Variants in HMGA2 observed in about 807,000 individuals in gnomAD.
The protein encoded by HMGA2 is high mobility group protein HMGI-C.
HMGA2 carries 8 observed loss-of-function variants against 19.1 expected under a neutral mutation model. The ratio of observed to expected loss-of-function variants is 0.42; its 90% CI spans 0.25 to 0.76. The LOEUF (loss-of-function observed/expected upper bound fraction) is 0.76. Ranked by LOEUF, HMGA2 falls within the 30% of genes least tolerant of loss-of-function variation. HMGA2 has a pLI of 0.28. For missense variants in HMGA2, 109 were observed against 136.3 expected, an observed-to-expected ratio of 0.80 and a Z score of 1.00; for synonymous variants, 60 against 48.8, an observed-to-expected ratio of 1.23 and a Z score of -0.96.
intron 3 of HMGA2, among the ~76,000 whole-genome samples, chr12:65,866,534 C>T (rs1261958217): frequency 6.6e-6 from 1 of 152,042 alleles, no homozygotes; most frequent in Non-Finnish European, 1.5e-5. Flanking sequence ...TTTTTCCCCT[C>T]GGTTATGAGT....
chr12:65,838,547 C>T lies in HMGA2; in HGVS notation c.227C>T (p.Pro76Leu). 2 of 1,611,736 alleles carry T rather than the reference C, an allele frequency of 1.2e-6. No individual in the cohort carries two copies. The highest frequency in any genetic ancestry group is 1.7e-6 in the Non-Finnish European group (2 of 1,178,284). ...KKAEATGEKR[P>L]RGRPRKWPQQ... The stretch of plus-strand genomic sequence containing the variant: ...GCAGAAGCCACTGGAGAAAAACGGC[C>T]AAGAGGCAGACCTAGGAAATGGGTG... Residue 76 changes from proline to leucine, a missense_variant, in exon 3 of 5, where the codon CCA (proline) becomes CTA (leucine). Coordinates refer to ENST00000403681, the MANE Select transcript of HMGA2 (RefSeq NM_003483.6).
At position 65,825,393 on chromosome 12, in the gene HMGA2, GGC is replaced by G; in HGVS notation, c.111+16_111+17del. On this transcript the variant is annotated intron_variant, in intron 1 of 4. Transcript: ENST00000403681. This position sits in a 1 kb window ranked among gnomAD's most constrained non-coding sequence, Gnocchi z 4.4. ...GGAAGCAGCAGCAAGTCAGTACGAGGGCGCGGTGGGGGCACCAGCCCACCCCG... is the reference window on the plus strand; with the variant it reads ...GGAAGCAGCAGCAAGTCAGTACGAGGGCGGTGGGGGCACCAGCCCACCCCG... 1 of 1,507,250 alleles carries G rather than the reference GGC, an allele frequency of 6.6e-7. No homozygotes were observed. Among genetic ancestry groups the G allele is most frequent in the Non-Finnish European group, 8.9e-7 (1 of 1,128,780 alleles). 93.4% of individuals were successfully genotyped at this position (1,507,250 alleles called of 1,614,324 possible).
chr12:65,917,258 A>C (rs908380742), intron 3 of HMGA2, among the ~76,000 whole-genome samples: 9 of 152,202 alleles, frequency 5.9e-5, no homozygotes, highest in African/African-American at 9.7e-5. Flanking sequence ...CCAGGGCCTA[A>C]GGTCCCTGCC....
At chr12:65,879,599 T>C (rs937653161) in intron 3 of HMGA2, among the ~76,000 whole-genome samples, 7 of 152,292 alleles carry the variant, frequency 4.6e-5, no homozygotes, top group Non-Finnish European at 7.4e-5. Flanking sequence ...CTTTTCTAGG[T>C]AGGAATAAAC....
At chr12:65,868,033 C>T (rs1441855742) in intron 3 of HMGA2, among the ~76,000 whole-genome samples, 1 of 152,174 alleles carries the variant, frequency 6.6e-6, no homozygotes, top group African/African-American at 2.4e-5. Flanking sequence ...GATGTTCACC[C>T]TCCTTTTGAG....
chr12:65,879,272 C>T (rs1246826331), intron 3 of HMGA2, among the ~76,000 whole-genome samples: 5 of 151,296 alleles, frequency 3.3e-5, no homozygotes, highest in Non-Finnish European at 7.4e-5. Flanking sequence ...GGACTACAGG[C>T]ATGTGCCACC....
At chr12:65,839,541 CA>C (rs1287565667) in intron 3 of HMGA2, among the ~76,000 whole-genome samples, 1 of 152,036 alleles carries the variant, frequency 6.6e-6, no homozygotes, top group African/African-American at 2.4e-5. Context: ...TAGAGTTCTG[CA>C]TCACTTTCTA....
chr12:65,926,268 A>G (rs1875502015), intron 3 of HMGA2, among the ~76,000 whole-genome samples: 1 of 152,242 alleles, frequency 6.6e-6, no homozygotes, highest in Admixed American at 6.5e-5. Context: ...CAACAGGGGC[A>G]AAGTCTAGGA....
At chr12:65,884,471 C>G (rs1166993765) in intron 3 of HMGA2, among the ~76,000 whole-genome samples, 1 of 152,160 alleles carries the variant, frequency 6.6e-6, no homozygotes, top group Non-Finnish European at 1.5e-5. Context: ...TGTGCCTGGT[C>G]AATTGATAAT....
chr12:65,881,565 A>G (rs931323409), intron 3 of HMGA2: 1 of 590,778 alleles, frequency 1.7e-6, no homozygotes, highest in Non-Finnish European at 3.0e-6. Context: ...AGTAATGGAA[A>G]GATCCAGTTA....
intron 3 of HMGA2, among the ~76,000 whole-genome samples, chr12:65,849,943 T>A (rs557990218): frequency 3.9e-5 from 6 of 152,174 alleles, no homozygotes; most frequent in African/African-American, 1.4e-4. Flanking sequence ...GGTCTCAAAC[T>A]CCTGACCTCA....
chr12:65,842,937 C>T lies in HMGA2; in HGVS notation c.249+4368C>T, dbSNP rs750870470. 1.9e-4 allele frequency: 207 copies of T among 1,111,088 alleles called. 1 individual carries two copies. The highest frequency in any genetic ancestry group is 2.9e-5 in the Non-Finnish European group (26 of 901,774). The allele number at this position is 1,111,088 out of a possible 1,614,324, so 68.8% of individuals were successfully genotyped here. A position where few individuals can be genotyped will look rare whatever the true frequency, so the allele number is the denominator to read the frequency against. On this transcript the variant is annotated intron_variant, in intron 3 of 4. Transcript: ENST00000403681. ...TAACCTCATGTATAAAATCCTCCAT[C>T]CAGATGTTGCTTAGTGATGCAGCTA...
chr12:65,837,540 G>C (rs1870786433), intron 2 of HMGA2, among the ~76,000 whole-genome samples: 1 of 152,124 alleles, frequency 6.6e-6, no homozygotes, highest in African/African-American at 2.4e-5. Flanking sequence ...TATAGCCATG[G>C]ATGATTCTTA....
chr12:65,869,704 T>C (rs1397738332), intron 3 of HMGA2, among the ~76,000 whole-genome samples: 1 of 152,254 alleles, frequency 6.6e-6, no homozygotes. Flanking sequence ...TTTAATATTC[T>C]TAGCCAGTAC....
intron 3 of HMGA2, among the ~76,000 whole-genome samples, chr12:65,895,029 T>C (rs1446944956): frequency 6.6e-6 from 1 of 152,184 alleles, no homozygotes; most frequent in East Asian, 1.9e-4. Flanking sequence ...TAAAACAAAT[T>C]GTAAAATGAA....
intron 3 of HMGA2, among the ~76,000 whole-genome samples, chr12:65,912,885 A>G (rs114259464): frequency 8.5e-4 from 129 of 152,330 alleles, no homozygotes; most frequent in African/African-American, 2.8e-3. Context: ...TTATTCATCT[A>G]TATAAATATA....
chr12:65,871,447 T>C (rs750379765), intron 3 of HMGA2, among the ~76,000 whole-genome samples: 10 of 152,196 alleles, frequency 6.6e-5, no homozygotes, highest in Non-Finnish European at 1.2e-4. Flanking sequence ...TTTATATAGG[T>C]TTCTTCCTTT....
In HMGA2 at chr12:65,825,233, A is replaced by T; in HGVS notation, c.-38A>T. On this transcript the variant is annotated 5_prime_UTR_variant, in exon 1 of 5. Coordinates refer to ENST00000403681, the MANE Select transcript of HMGA2 (RefSeq NM_003483.6). The surrounding 1 kb of genome is among the most constrained non-coding windows in gnomAD (Gnocchi z 4.4). ...GGGCAGCTCCGGGGCGGTCGAGGCGAAGCGGCTGCAGCGGCGGTAGCGGCG... is the reference window on the plus strand; with the variant it reads ...GGGCAGCTCCGGGGCGGTCGAGGCGTAGCGGCTGCAGCGGCGGTAGCGGCG... 1 of 1,498,570 alleles carries T rather than the reference A, an allele frequency of 6.7e-7. No individual in the cohort carries two copies. The highest frequency in any genetic ancestry group is 8.9e-7 in the Non-Finnish European group (1 of 1,120,760). 92.8% of individuals were successfully genotyped at this position (1,498,570 alleles called of 1,614,324 possible).
chr12:65,894,712 G>T (rs1874052043), intron 3 of HMGA2, among the ~76,000 whole-genome samples: 1 of 152,166 alleles, frequency 6.6e-6, no homozygotes, highest in South Asian at 2.1e-4. Context: ...AAGTAAAGCT[G>T]ACCTCTCCCT....
Sources: gnomAD v4.1 joint callset for allele counts (sites outside exome capture counted in the v4.1 genomes callset) on GRCh38, gnomAD v4.1.1 for gene constraint, Gnocchi (gnomAD v3.1) non-coding constraint, MANE v1.5 for transcripts, NCBI Gene and HGNC (gene_info 2026-07-23, HGNC 2026-07-21) for gene names.